The following PSMA5 variants were observed in gnomAD, a reference collection of about 807,000 sequenced individuals.
The protein encoded by PSMA5 is proteasome subunit alpha type-5.
In PSMA5, 3 loss-of-function variants were observed where a neutral mutation model predicts 34.5. The observed-to-expected ratio is 0.09, with a 90% CI of 0.04 to 0.22. The LOEUF (loss-of-function observed/expected upper bound fraction) is 0.22. PSMA5 is among the 10% of genes least tolerant of loss of function. The pLI, the probability that PSMA5 is intolerant of heterozygous loss-of-function variation, is 1.00. For synonymous variants in PSMA5, 88 were observed against 95.8 expected (o/e 0.92, Z 0.47); for missense variants, 120 against 286.1 (o/e 0.42, Z 4.19).
At chr1:109,406,023 A>G (rs1325834245) in intron 8 of PSMA5, among the ~76,000 whole-genome samples, 1 of 152,234 alleles carries the variant, frequency 6.6e-6, no homozygotes, top group Non-Finnish European at 1.5e-5. Flanking sequence ...TCTCGTGTGA[A>G]TGACAAGTAC....
At chr1:109,416,493 A>T (rs1654203739) in intron 2 of PSMA5, among the ~76,000 whole-genome samples, 1 of 152,152 alleles carries the variant, frequency 6.6e-6, no homozygotes, top group African/African-American at 2.4e-5. Flanking sequence ...AATTCCACTC[A>T]TCAAAGCCTT....
At chr1:109,410,907 G>T in intron 7 of PSMA5, 104 bp downstream of exon 7, 1 of 809,392 alleles carries the variant, frequency 1.2e-6, no homozygotes, top group Non-Finnish European at 2.0e-6. Context: ...ATCTTGTTTT[G>T]CAATTGTCAA....
intron 6 of PSMA5, 132 bp downstream of exon 6, chr1:109,411,745 C>G (rs1653998619): frequency 1.2e-6 from 1 of 867,846 alleles, no homozygotes; most frequent in African/African-American, 1.7e-5. Flanking sequence ...CCTGCCTTAG[C>G]CTTCAAGTAG....
At chr1:109,404,809 T>G (rs1357577315) in intron 8 of PSMA5, among the ~76,000 whole-genome samples, 1 of 152,224 alleles carries the variant, frequency 6.6e-6, no homozygotes, top group Non-Finnish European at 1.5e-5. Context: ...TGACTAAGGA[T>G]CCAAAGATGA....
At chr1:109,416,332 C>T (rs1654197127) in intron 2 of PSMA5, among the ~76,000 whole-genome samples, 1 of 152,194 alleles carries the variant, frequency 6.6e-6, no homozygotes, top group African/African-American at 2.4e-5. Flanking sequence ...CCTGATGCCA[C>T]TTTTCCCTTC....
At chr1:109,422,530 G>A (rs1175673886) in intron 1 of PSMA5, among the ~76,000 whole-genome samples, 2 of 150,040 alleles carry the variant, frequency 1.3e-5, no homozygotes, top group African/African-American at 2.5e-5. Context: ...TCGCTCAGGC[G>A]GGTGCGATCT....
At chr1:109,402,467 A>C (rs1312081699) in intron 8 of PSMA5, among the ~76,000 whole-genome samples, 1 of 152,176 alleles carries the variant, frequency 6.6e-6, no homozygotes, top group African/African-American at 2.4e-5. Flanking sequence ...AAATACTTAA[A>C]AGTTGAGCTT....
At chr1:109,420,814 G>A (rs575418113) in intron 2 of PSMA5, among the ~76,000 whole-genome samples, 1 of 151,988 alleles carries the variant, frequency 6.6e-6, no homozygotes, top group South Asian at 2.1e-4. Flanking sequence ...AGTGCTACTG[G>A]CACCTAATGG....
intron 6 of PSMA5, 98 bp downstream of exon 6, chr1:109,411,779 T>C (rs1196159387): frequency 4.1e-6 from 5 of 1,223,804 alleles, no homozygotes; most frequent in East Asian, 2.4e-5. Context: ...TGTGTGCTAA[T>C]ACCTGGCTAA....
chr1:109,418,674 G>C (rs542456310), intron 2 of PSMA5, among the ~76,000 whole-genome samples: 48 of 152,078 alleles, frequency 3.2e-4, no homozygotes, highest in African/African-American at 1.2e-3. Flanking sequence ...TGAACTCCTA[G>C]GCTCAAGTGA....
intron 2 of PSMA5, among the ~76,000 whole-genome samples, chr1:109,418,339 C>T (rs1654297382): frequency 6.6e-6 from 1 of 152,106 alleles, no homozygotes; most frequent in Admixed American, 6.5e-5. Flanking sequence ...ATATTTTAGA[C>T]AGGGTCTCAC....
chr1:109,425,064 C>T (rs1050355552), intron 1 of PSMA5, among the ~76,000 whole-genome samples: 2 of 152,074 alleles, frequency 1.3e-5, no homozygotes, highest in African/African-American at 4.8e-5. Flanking sequence ...GGCCACAGAG[C>T]GAGACTGTCT....
intron 1 of PSMA5, among the ~76,000 whole-genome samples, chr1:109,423,629 C>T (rs1654532975): frequency 6.6e-6 from 1 of 152,136 alleles, no homozygotes. Context: ...TAATTTAAAA[C>T]ATCTCAAATC....
At chr1:109,402,791 C>A (rs902249774) in intron 8 of PSMA5, among the ~76,000 whole-genome samples, 5 of 152,130 alleles carry the variant, frequency 3.3e-5, no homozygotes, top group African/African-American at 7.2e-5. Context: ...CCGCAACCTC[C>A]GCCTCCCGGG....
At position 109,399,520 on chromosome 1, in the gene PSMA5, T is replaced by TA. The variant is rs1409965918; in HGVS notation, c.*2492dup. On this transcript the variant is annotated 3_prime_UTR_variant, in exon 9 of 9. Coordinates refer to ENST00000271308, the MANE Select transcript of PSMA5 (RefSeq NM_002790.4). ...CACAAAGATGAATGGTCTATTGTCT[T>TA]ACTGTCTGAAAAGAAAAAACAACTC... 5 of 152,338 alleles carry TA rather than the reference T, an allele frequency of 3.3e-5. No individual in the cohort carries two copies. Among genetic ancestry groups the TA allele is most frequent in the Middle Eastern group, 6.8e-3 (2 of 294 alleles). 9.4% of individuals were successfully genotyped at this position (152,338 alleles called of 1,614,324 possible). A position where few individuals can be genotyped will look rare whatever the true frequency, so the allele number is the denominator to read the frequency against.
In PSMA5 at chr1:109,401,862, T is replaced by G. The variant is rs1309105127; in HGVS notation, c.*151A>C. 2.4e-5 allele frequency: 13 copies of G among 540,334 alleles called. No individual in the cohort carries two copies. In the Admixed American group the frequency reaches 4.5e-4, roughly 19 times the overall value. 33.5% of individuals were successfully genotyped at this position (540,334 alleles called of 1,614,324 possible). Reference sequence around the variant, plus strand: ...GTCTATTAACAAATATTTTAAAATTTTCTTTATTTCAGAACTGCCTTTATG... The same window carrying G: ...GTCTATTAACAAATATTTTAAAATTGTCTTTATTTCAGAACTGCCTTTATG... On this transcript the variant is annotated 3_prime_UTR_variant, in exon 9 of 9. Coordinates refer to ENST00000271308, the MANE Select transcript of PSMA5 (RefSeq NM_002790.4).
At chr1:109,406,237 A>G (rs1047922773) in intron 8 of PSMA5, among the ~76,000 whole-genome samples, 1 of 152,212 alleles carries the variant, frequency 6.6e-6, no homozygotes, top group African/African-American at 2.4e-5. Context: ...TAAAAGCTGA[A>G]ACAAATAGTA....
chr1:109,405,666 C>T (rs1269361859), intron 8 of PSMA5, among the ~76,000 whole-genome samples: 3 of 152,106 alleles, frequency 2.0e-5, no homozygotes, highest in Middle Eastern at 3.2e-3. Flanking sequence ...TCTTGAACTC[C>T]TGGCCTCAAG....
chr1:109,412,902 A>G, intron 4 of PSMA5, 166 bp downstream of exon 4: 1 of 594,612 alleles, frequency 1.7e-6, no homozygotes, highest in Non-Finnish European at 3.0e-6. Flanking sequence ...TTGGACAGCT[A>G]AACTCCAAGC....
Sources: gnomAD v4.1 joint callset for allele counts (sites outside exome capture counted in the v4.1 genomes callset) on GRCh38, gnomAD v4.1.1 for gene constraint, MANE v1.5 for transcripts, NCBI Gene and HGNC (gene_info 2026-07-23, HGNC 2026-07-21) for gene names.